Variants in NRG1 observed in about 807,000 individuals in gnomAD.
NRG1 encodes the protein neuregulin 1.
NRG1 carries 18 observed loss-of-function variants against 63.8 expected under a neutral mutation model. The observed-to-expected ratio is 0.28, with a 90% CI of 0.19 to 0.42. The LOEUF is 0.42. Ranked by LOEUF, NRG1 falls within the 10% of genes least tolerant of loss-of-function variation. NRG1 has a pLI of 1.00. For missense variants in NRG1, 762 were observed against 814.7 expected (o/e 0.94, Z 0.79); for synonymous variants, 302 against 301.3 (o/e 1.00, Z -0.02).
intron 1 of NRG1, among the ~76,000 whole-genome samples, chr8:31,723,839 A>G (rs1813161069): frequency 6.6e-6 from 1 of 152,148 alleles, no homozygotes; most frequent in South Asian, 2.1e-4. Flanking sequence ...TACATTCAGA[A>G]GTGGAAATTA....
At chr8:31,874,707 C>G (rs1829764767) in intron 1 of NRG1, among the ~76,000 whole-genome samples, 1 of 152,118 alleles carries the variant, frequency 6.6e-6, no homozygotes, top group Non-Finnish European at 1.5e-5. Context: ...TTCTTTATAG[C>G]TATTTTTTTG....
chr8:32,193,332 A>G (rs75706277), intron 1 of NRG1, among the ~76,000 whole-genome samples: 6,403 of 138,008 alleles, frequency 0.046, 205 homozygotes, highest in Middle Eastern at 0.1. Flanking sequence ...GTGTGTGTGT[A>G]ATTCTCCTCA....
chr8:32,498,400 G>T (rs1358988706), intron 1 of NRG1, among the ~76,000 whole-genome samples: 6 of 152,186 alleles, frequency 3.9e-5, no homozygotes, highest in Admixed American at 1.3e-4. Flanking sequence ...GGGCGTGGAG[G>T]CCTCAGGAAA....
intron 1 of NRG1, among the ~76,000 whole-genome samples, chr8:32,517,776 T>C (rs1239463413): frequency 1.3e-5 from 2 of 152,154 alleles, no homozygotes; most frequent in African/African-American, 4.8e-5. Flanking sequence ...ATGGGGTCAT[T>C]TGAGTGCTAA....
chr8:32,572,439 T>G (rs1382081915), intron 1 of NRG1, among the ~76,000 whole-genome samples: 1 of 152,180 alleles, frequency 6.6e-6, no homozygotes, highest in Non-Finnish European at 1.5e-5. Flanking sequence ...ATTTGATTTA[T>G]TAAGCCAAAA....
intron 1 of NRG1, among the ~76,000 whole-genome samples, chr8:32,481,245 G>A (rs148481086): frequency 0.012 from 1,751 of 152,172 alleles, 26 homozygotes; most frequent in African/African-American, 0.04. Flanking sequence ...TCAAGAGGCT[G>A]AGGTGGGGGG....
intron 1 of NRG1, among the ~76,000 whole-genome samples, chr8:31,888,162 GA>G (rs1830871062): frequency 6.6e-6 from 1 of 151,756 alleles, no homozygotes; most frequent in Non-Finnish European, 1.5e-5. Context: ...TGTACAAAAA[GA>G]TAGCTTTTTG....
At chr8:32,690,370 AC>A (rs1327306096) in intron 5 of NRG1, among the ~76,000 whole-genome samples, 1 of 151,144 alleles carries the variant, frequency 6.6e-6, no homozygotes, top group African/African-American at 2.4e-5. Context: ...TCCTCCACTC[AC>A]CCAGCACTGT....
At chr8:32,368,834 C>CA (rs1181317116) in intron 1 of NRG1, among the ~76,000 whole-genome samples, 2 of 152,110 alleles carry the variant, frequency 1.3e-5, no homozygotes, top group Non-Finnish European at 2.9e-5. Context: ...CTTATTTTAG[C>CA]AAAATTGAAG....
chr8:31,813,520 T>TCTTTTCTTTTCTTTTTTTTTC (rs1554540779), intron 1 of NRG1, among the ~76,000 whole-genome samples: 1 of 116,606 alleles, frequency 8.6e-6, no homozygotes, highest in Admixed American at 8.9e-5. Flanking sequence ...TCTTTTCTTT[T>TCTTTTCTTTTCTTTTTTTTTC]TTTTTTTTTT....
At chr8:32,043,998 G>T (rs1820520100) in intron 1 of NRG1, among the ~76,000 whole-genome samples, 1 of 151,836 alleles carries the variant, frequency 6.6e-6, no homozygotes. Flanking sequence ...CAATTTAAAG[G>T]CTAATGATTA....
chr8:32,112,767 A>G (rs1484932027), intron 1 of NRG1, among the ~76,000 whole-genome samples: 2 of 152,098 alleles, frequency 1.3e-5, no homozygotes, highest in Non-Finnish European at 2.9e-5. Flanking sequence ...TACCTGCACA[A>G]TTCTCCTCTC....
At chr8:32,763,078 T>C in intron 11 of NRG1, 2 of 843,850 alleles carry the variant, frequency 2.4e-6, no homozygotes, top group South Asian at 3.5e-5. Context: ...CCTTTGACTG[T>C]GTTTGTTGGA....
chr8:32,765,422 C>T (rs987798574), exon 12 of NRG1: 9 of 152,152 alleles, frequency 5.9e-5, no homozygotes, highest in Admixed American at 1.3e-4. Flanking sequence ...TAGAGTCAAA[C>T]GTGCCTGCTG....
intron 1 of NRG1, among the ~76,000 whole-genome samples, chr8:32,330,928 G>A (rs1802564789): frequency 6.6e-6 from 1 of 150,380 alleles, no homozygotes; most frequent in South Asian, 2.1e-4. Context: ...TTTCTCTCCT[G>A]ATCTAGAGTT....
At chr8:31,675,194 T>C (rs760886017) in intron 1 of NRG1, among the ~76,000 whole-genome samples, 10 of 152,068 alleles carry the variant, frequency 6.6e-5, no homozygotes, top group Non-Finnish European at 1.3e-4. Context: ...AATACAAAAT[T>C]AGCTGGGCGT....
chr8:32,123,169 A>C (rs1014008168), intron 1 of NRG1, among the ~76,000 whole-genome samples: 1 of 151,836 alleles, frequency 6.6e-6, no homozygotes, highest in Non-Finnish European at 1.5e-5. Flanking sequence ...CTACTTCACC[A>C]TGTGTCCTTG....
chr8:32,696,388 G>A (rs368042687), intron 5 of NRG1, among the ~76,000 whole-genome samples: 4 of 152,142 alleles, frequency 2.6e-5, no homozygotes, highest in African/African-American at 7.2e-5. Flanking sequence ...TGAAACCTGT[G>A]TATCTTTGCC....
intron 1 of NRG1, among the ~76,000 whole-genome samples, chr8:32,450,709 C>T (rs1820844537): frequency 6.6e-6 from 1 of 152,078 alleles, no homozygotes; most frequent in African/African-American, 2.4e-5. Context: ...AACCACTGCA[C>T]CTGGTCTAGA....
Sources: gnomAD v4.1 joint callset for allele counts (sites outside exome capture counted in the v4.1 genomes callset) on GRCh38, gnomAD v4.1.1 for gene constraint, MANE v1.5 for transcripts, NCBI Gene and HGNC (gene_info 2026-07-23, HGNC 2026-07-21) for gene names.